Variants in CDH18 observed in about 807,000 individuals in gnomAD.
CDH18 encodes cadherin 18, also known as cadherin-18.
In CDH18, 31 loss-of-function variants were observed where a neutral mutation model predicts 67.9. The ratio of observed to expected loss-of-function variants is 0.46; its 90% CI spans 0.34 to 0.62. CDH18 has a LOEUF of 0.62. Among genes scored for constraint, CDH18 ranks in the 20% least tolerant of loss-of-function variants. The pLI is 0.01. For synonymous variants in CDH18, 362 were observed against 347.2 expected, an observed-to-expected ratio of 1.04 and a Z score of -0.48; for missense variants, 890 against 975.5, an observed-to-expected ratio of 0.91 and a Z score of 1.17.
intron 1 of CDH18, among the ~76,000 whole-genome samples, chr5:20,556,757 A>ACTTTT (rs1757929527): frequency 6.6e-6 from 1 of 152,120 alleles, no homozygotes; most frequent in Non-Finnish European, 1.5e-5. Context: ...TGTTAAGTTA[A>ACTTTT]TGGTTTTTGA....
intron 2 of CDH18, among the ~76,000 whole-genome samples, chr5:20,029,214 A>G (rs1408087263): frequency 2.6e-5 from 4 of 152,156 alleles, no homozygotes; most frequent in Non-Finnish European, 4.4e-5. Flanking sequence ...ACTTCTTAGT[A>G]TGTGTATATT....
chr5:20,018,736 T>TA lies in CDH18; in HGVS notation c.-517-26723dup, dbSNP rs1471625308. 2.6e-5 allele frequency among the ~76,000 whole-genome samples: 4 copies of TA among 152,104 alleles called. No individual in the cohort carries two copies. In the East Asian group the frequency reaches 7.7e-4, roughly 29 times the overall value. On this transcript the variant is annotated intron_variant, in intron 2 of 14. Coordinates refer to the CDH18 transcript ENST00000507958. ...GAATAACTGGAACATTCAGATCTGG[T>TA]AAAAACAGTTGTGGTACTTTAAATA...
intron 4 of CDH18, among the ~76,000 whole-genome samples, chr5:19,722,897 G>T (rs1227749615): frequency 6.6e-6 from 1 of 152,082 alleles, no homozygotes; most frequent in Non-Finnish European, 1.5e-5. Flanking sequence ...TAGTAATTAT[G>T]TCAATGACTC....
At chr5:19,707,593 CCTAT>C (rs1455578478) in intron 5 of CDH18, among the ~76,000 whole-genome samples, 12 of 152,114 alleles carry the variant, frequency 7.9e-5, no homozygotes, top group Non-Finnish European at 1.5e-5. Context: ...TGAACATCTG[CCTAT>C]CTGTTTGGGA....
intron 2 of CDH18, among the ~76,000 whole-genome samples, chr5:20,214,953 G>T (rs1480198142): frequency 6.6e-6 from 1 of 151,926 alleles, no homozygotes; most frequent in Non-Finnish European, 1.5e-5. Flanking sequence ...TCTGATAAGG[G>T]TCTAATATCC....
At chr5:19,680,978 C>A (rs897769572) in intron 5 of CDH18, among the ~76,000 whole-genome samples, 5 of 151,932 alleles carry the variant, frequency 3.3e-5, no homozygotes, top group African/African-American at 4.8e-5. Flanking sequence ...TTCATCATAG[C>A]ACTATTTATA....
intron 1 of CDH18, among the ~76,000 whole-genome samples, chr5:20,483,609 A>G (rs1393672605): frequency 1.3e-5 from 2 of 151,830 alleles, no homozygotes; most frequent in African/African-American, 4.8e-5. Flanking sequence ...GAACCTAGAT[A>G]TAAATTCATA....
At chr5:20,181,966 G>A (rs1041635165) in intron 2 of CDH18, among the ~76,000 whole-genome samples, 8 of 152,012 alleles carry the variant, frequency 5.3e-5, no homozygotes, top group African/African-American at 1.9e-4. Flanking sequence ...TTTTATATAA[G>A]GATCCCTAAG....
chr5:20,263,716 G>T (rs1195332687), intron 1 of CDH18, among the ~76,000 whole-genome samples: 1 of 152,118 alleles, frequency 6.6e-6, no homozygotes, highest in East Asian at 1.9e-4. Flanking sequence ...GGTAGCTTTA[G>T]GTTCCATTTG....
At chr5:19,653,472 T>C (rs941340987) in intron 5 of CDH18, among the ~76,000 whole-genome samples, 7 of 152,060 alleles carry the variant, frequency 4.6e-5, no homozygotes, top group Non-Finnish European at 1.0e-4. Context: ...TCAGGTACCA[T>C]TTTTGTGGAT....
chr5:20,348,068 T>C (rs1395734264), intron 1 of CDH18, among the ~76,000 whole-genome samples: 1 of 152,164 alleles, frequency 6.6e-6, no homozygotes, highest in Non-Finnish European at 1.5e-5. Context: ...CTCAACTCTT[T>C]TCTTGAAAAA....
chr5:20,562,818 T>C (rs926986655), intron 1 of CDH18, among the ~76,000 whole-genome samples: 1 of 151,964 alleles, frequency 6.6e-6, no homozygotes, highest in African/African-American at 2.4e-5. Context: ...GTTTAAATCA[T>C]AGAATAAGTT....
chr5:19,480,165 A>G (rs1739160485), intron 12 of CDH18, among the ~76,000 whole-genome samples: 1 of 152,038 alleles, frequency 6.6e-6, no homozygotes, highest in African/African-American at 2.4e-5. Context: ...CTCTCATTAA[A>G]ATCCCTGCGT....
chr5:20,273,004 TA>T (rs1239845413), intron 1 of CDH18, among the ~76,000 whole-genome samples: 5 of 152,122 alleles, frequency 3.3e-5, no homozygotes, highest in African/African-American at 1.2e-4. Context: ...TAACTGTTTG[TA>T]AGCAAACAAT....
chr5:19,970,505 G>A (rs1797921430), intron 2 of CDH18, among the ~76,000 whole-genome samples: 1 of 151,154 alleles, frequency 6.6e-6, no homozygotes, highest in African/African-American at 2.4e-5. Context: ...ATATAGTTAG[G>A]TAAATTGGTA....
chr5:20,020,287 G>T (rs1738291147), intron 2 of CDH18, among the ~76,000 whole-genome samples: 1 of 152,162 alleles, frequency 6.6e-6, no homozygotes, highest in Non-Finnish European at 1.5e-5. Flanking sequence ...GATAGAAAAT[G>T]GGTAGAAAAG....
At chr5:19,661,716 C>T (rs921652375) in intron 5 of CDH18, among the ~76,000 whole-genome samples, 2 of 151,956 alleles carry the variant, frequency 1.3e-5, no homozygotes, top group African/African-American at 4.8e-5. Context: ...AAAGTTAATG[C>T]CATATTTTGG....
intron 5 of CDH18, among the ~76,000 whole-genome samples, chr5:19,655,986 C>CTTTTTT (rs963093504): frequency 1.1e-4 from 11 of 103,642 alleles, no homozygotes; most frequent in Non-Finnish European, 1.5e-4. Context: ...CTACTCACTT[C>CTTTTTT]TTTTTTTTTT....
At chr5:20,298,774 A>T (rs1253246423) in intron 1 of CDH18, among the ~76,000 whole-genome samples, 1 of 152,230 alleles carries the variant, frequency 6.6e-6, no homozygotes, top group Admixed American at 6.5e-5. Flanking sequence ...CCATTAAATT[A>T]TGAGGTAAGA....
Sources: allele counts gnomAD v4.1 joint callset (sites outside exome capture counted in the v4.1 genomes callset), GRCh38; gene constraint gnomAD v4.1.1; transcripts MANE v1.5; gene names NCBI Gene and HGNC (gene_info 2026-07-23, HGNC 2026-07-21).